Variants in KCNH8 observed in about 807,000 individuals in gnomAD.
KCNH8 encodes the protein voltage-gated delayed rectifier potassium channel KCNH8.
Under a neutral mutation model 103.6 loss-of-function variants are expected in KCNH8, and 70 were observed. The observed-to-expected ratio is 0.68, with a 90% CI of 0.56 to 0.82. The LOEUF is 0.82. Ranked by LOEUF, KCNH8 falls within the 40% of genes least tolerant of loss-of-function variation. The pLI, the probability that KCNH8 is intolerant of heterozygous loss-of-function variation, is 0.00. For missense variants in KCNH8, 1,217 were observed against 1,329.9 expected (o/e 0.92, Z 1.32); for synonymous variants, 498 against 489.4 (o/e 1.02, Z -0.23).
At chr3:19,492,685 G>T (rs2068349023) in intron 11 of KCNH8, among the ~76,000 whole-genome samples, 1 of 152,042 alleles carries the variant, frequency 6.6e-6, no homozygotes, top group Non-Finnish European at 1.5e-5. Flanking sequence ...GGTTCCATAT[G>T]AATTTTAAAA....
At position 19,342,731 on chromosome 3, in the gene KCNH8, T is replaced by C; in HGVS notation, c.570+17T>C. 6.3e-7 allele frequency: 1 copy of C among 1,594,670 alleles called. No homozygotes were observed. The highest frequency in any genetic ancestry group is 8.6e-7 in the Non-Finnish European group (1 of 1,167,584). On this transcript the variant is annotated intron_variant, in intron 4 of 15. Transcript: ENST00000328405. The stretch of plus-strand genomic sequence containing the variant: ...ATAAATAACGTAGGTGGTATGTGTG[T>C]ACAGGATGAATGCTAGTGTTTCCCC...
intron 1 of KCNH8, among the ~76,000 whole-genome samples, chr3:19,189,873 A>G (rs1026826048): frequency 1.5e-4 from 23 of 152,052 alleles, no homozygotes; most frequent in Non-Finnish European, 2.2e-4. Context: ...TATAAATACA[A>G]AATTAAAACT....
At chr3:19,224,921 G>A (rs1049058433) in intron 1 of KCNH8, among the ~76,000 whole-genome samples, 1 of 152,108 alleles carries the variant, frequency 6.6e-6, no homozygotes, top group African/African-American at 2.4e-5. Flanking sequence ...TTCTAACACA[G>A]AGATGGCTTT....
At chr3:19,299,485 C>A (rs1158529920) in intron 3 of KCNH8, among the ~76,000 whole-genome samples, 1 of 151,970 alleles carries the variant, frequency 6.6e-6, no homozygotes, top group Non-Finnish European at 1.5e-5. Flanking sequence ...AAAACAACAG[C>A]AACAAAAAGT....
At chr3:19,471,551 C>T (rs1237439309) in intron 11 of KCNH8, among the ~76,000 whole-genome samples, 1 of 152,172 alleles carries the variant, frequency 6.6e-6, no homozygotes, top group African/African-American at 2.4e-5. Context: ...TATAGTAGCT[C>T]CTAGGAGCCA....
intron 7 of KCNH8, among the ~76,000 whole-genome samples, chr3:19,426,665 T>A (rs1206417399): frequency 6.6e-6 from 1 of 151,880 alleles, no homozygotes; most frequent in Non-Finnish European, 1.5e-5. Flanking sequence ...GAGTTTGCTG[T>A]TAGCCTCATG....
chr3:19,257,875 A>G (rs987158617), intron 2 of KCNH8, among the ~76,000 whole-genome samples: 6 of 152,166 alleles, frequency 3.9e-5, no homozygotes, highest in South Asian at 4.1e-4. Flanking sequence ...TTTCTTCTGA[A>G]GGATGTGAGA....
intron 3 of KCNH8, among the ~76,000 whole-genome samples, chr3:19,335,940 G>T (rs1275785023): frequency 6.6e-6 from 1 of 151,350 alleles, no homozygotes; most frequent in Admixed American, 6.6e-5. Context: ...GTTGCCAAAA[G>T]TTTAATTCTC....
chr3:19,530,291 TAGA>T (rs1418134663), intron 15 of KCNH8, among the ~76,000 whole-genome samples: 4 of 152,184 alleles, frequency 2.6e-5, no homozygotes, highest in Non-Finnish European at 5.9e-5. Context: ...TCAAAATATC[TAGA>T]AGATCTGAAA....
At chr3:19,494,258 C>T (rs1263204574) in intron 11 of KCNH8, among the ~76,000 whole-genome samples, 2 of 152,168 alleles carry the variant, frequency 1.3e-5, no homozygotes, top group East Asian at 1.9e-4. Context: ...ACACAAATCT[C>T]GTCTTGTAGC....
intron 11 of KCNH8, among the ~76,000 whole-genome samples, chr3:19,506,300 T>C (rs2068691587): frequency 6.6e-6 from 1 of 152,186 alleles, no homozygotes. Context: ...TTCCTTTAAC[T>C]GTGGTGTAAT....
intron 5 of KCNH8, among the ~76,000 whole-genome samples, chr3:19,353,668 C>T (rs373516705): frequency 2.3e-4 from 35 of 152,142 alleles, no homozygotes; most frequent in East Asian, 5.8e-4. Flanking sequence ...AAAAGGCCTT[C>T]GACAAAATTC....
chr3:19,194,124 A>G (rs1395478395), intron 1 of KCNH8, among the ~76,000 whole-genome samples: 18 of 151,890 alleles, frequency 1.2e-4, no homozygotes. Context: ...ACAACTTGTT[A>G]TGGCATTTAA....
chr3:19,440,168 T>C (rs2067260690), intron 8 of KCNH8, among the ~76,000 whole-genome samples: 1 of 152,178 alleles, frequency 6.6e-6, no homozygotes, highest in Non-Finnish European at 1.5e-5. Flanking sequence ...AAGGGAAGAC[T>C]TTTCACTATA....
intron 1 of KCNH8, among the ~76,000 whole-genome samples, chr3:19,203,483 CAG>C (rs1415221176): frequency 6.6e-6 from 1 of 151,866 alleles, no homozygotes; most frequent in Non-Finnish European, 1.5e-5. Flanking sequence ...CCAGACAACT[CAG>C]AGAAAATTTT....
intron 1 of KCNH8, among the ~76,000 whole-genome samples, chr3:19,232,758 T>C (rs981790759): frequency 6.6e-6 from 1 of 152,218 alleles, no homozygotes; most frequent in East Asian, 1.9e-4. Context: ...AGAGGTATGG[T>C]ATGAAAGATG....
chr3:19,167,949 G>T (rs529216325), intron 1 of KCNH8, among the ~76,000 whole-genome samples: 1 of 151,316 alleles, frequency 6.6e-6, no homozygotes, highest in African/African-American at 2.4e-5. Flanking sequence ...AACCGCCAAG[G>T]TCAAGTTACA....
Position 19,198,976 on chromosome 3 carries a change from TG to T in KCNH8, c.76+50183del, listed in dbSNP as rs553467741. 1.3e-4 allele frequency among the ~76,000 whole-genome samples: 20 copies of T among 152,132 alleles called. No individual in the cohort carries two copies. The South Asian group carries it at 4.2e-3, about 32-fold the overall frequency. ...ACAAACTAATCAGAACCTCAAGCAG[TG>T]GCAGGCGTCAGGTGAACAGATGATA... On this transcript the variant is annotated intron_variant, in intron 1 of 15. Transcript: ENST00000328405.
At chr3:19,171,466 A>G (rs934083775) in intron 1 of KCNH8, among the ~76,000 whole-genome samples, 2 of 152,088 alleles carry the variant, frequency 1.3e-5, no homozygotes, top group African/African-American at 4.8e-5. Context: ...CCTACTTACA[A>G]TCCATTTTTT....
Sources: gnomAD v4.1 joint callset for allele counts (sites outside exome capture counted in the v4.1 genomes callset) on GRCh38, gnomAD v4.1.1 for gene constraint, MANE v1.5 for transcripts, NCBI Gene and HGNC (gene_info 2026-07-23, HGNC 2026-07-21) for gene names.